The following PREX1 variants were observed in gnomAD, a reference collection of about 807,000 sequenced individuals.
PREX1 encodes phosphatidylinositol-3,4,5-trisphosphate dependent Rac exchange factor 1.
Under a neutral mutation model 198.3 loss-of-function variants are expected in PREX1, and 41 were observed. The ratio of observed to expected loss-of-function variants is 0.21; its 90% CI spans 0.16 to 0.27. PREX1 has a LOEUF of 0.27. Ranked by LOEUF, PREX1 falls within the 10% of genes least tolerant of loss-of-function variation. The probability of loss-of-function intolerance (pLI) is 1.00; values close to 1 mark genes in which losing one functional copy is unlikely to be tolerated. For missense variants in PREX1, 1,620 were observed against 2,200.7 expected (o/e 0.74, Z 5.28); for synonymous variants, 843 against 887.2 (o/e 0.95, Z 0.89).
rs182414262 is a variant in PREX1 at position 48,684,613 on chromosome 20, C to T, written c.1335-3278G>A. ...TCCTGACGGCCCCTGCCAGACACGC[C>T]GCGTCATACCTGGTAACCCTGAGCT... On this transcript the variant is annotated intron_variant, in intron 10 of 39. Transcript: ENST00000371941. This position sits in a 1 kb window ranked among gnomAD's most constrained non-coding sequence, Gnocchi z 4.2. 1.5e-3 allele frequency among the ~76,000 whole-genome samples: 230 copies of T among 152,332 alleles called. No individual in the cohort carries two copies. The highest frequency in any genetic ancestry group is 0.01 in the Middle Eastern group (3 of 294).
intron 14 of PREX1, among the ~76,000 whole-genome samples, chr20:48,668,506 C>A (rs983551035): frequency 6.6e-6 from 1 of 152,246 alleles, no homozygotes; most frequent in East Asian, 1.9e-4. Flanking sequence ...CCTAGTCTCA[C>A]TGAAACGCCT....
At chr20:48,766,873 C>T (rs1231961803) in intron 1 of PREX1, among the ~76,000 whole-genome samples, 2 of 152,128 alleles carry the variant, frequency 1.3e-5, no homozygotes, top group Non-Finnish European at 2.9e-5. Context: ...GCAGGTTCCT[C>T]ACCTGTAAAA....
intron 6 of PREX1, among the ~76,000 whole-genome samples, chr20:48,704,848 G>A (rs1358009757): frequency 1.3e-5 from 2 of 152,240 alleles, no homozygotes; most frequent in African/African-American, 4.8e-5. Flanking sequence ...GAGCCACCGC[G>A]CCAGGCTTGT....
Position 48,819,033 on chromosome 20 carries a change from G to C in PREX1, c.219+8609C>G, listed in dbSNP as rs117070357. Among the ~76,000 whole-genome samples, 22 of 152,308 alleles carry C rather than the reference G, an allele frequency of 1.4e-4. No individual in the cohort carries two copies. The East Asian group carries it at 3.9e-3, about 27-fold the overall frequency. The stretch of plus-strand genomic sequence containing the variant: ...CAGCCGTAGGTCACAGAGCAGCCTG[G>C]GAGCAGGCAGGGGATCTGCTGTGGG... On this transcript the variant is annotated intron_variant, in intron 1 of 39. Transcript: ENST00000371941.
rs1285303444 is a variant in PREX1, at chr20:48,651,570, C to T, written c.2481G>A (p.Leu827=). Residue 827 remains leucine, a synonymous_variant, in exon 22 of 40, where the codon CTG becomes CTA. Coordinates refer to ENST00000371941, the MANE Select transcript of PREX1 (RefSeq NM_020820.4). ...EDQADSAFPL[L]SLGPRLSLCE... ...ACAGGCTCAGCCGGGGACCCAGGGA[C>T]AGCAGTGGGAAGGCTGGAAGCCAAA... The T allele has an allele frequency of 6.2e-7, 1 of 1,613,454 alleles. No homozygotes were observed. Among genetic ancestry groups the T allele is most frequent in the Admixed American group, 1.7e-5 (1 of 59,930 alleles).
chr20:48,641,792 C>CA (rs1000237368), intron 29 of PREX1, among the ~76,000 whole-genome samples: 11 of 139,346 alleles, frequency 7.9e-5, no homozygotes, highest in Middle Eastern at 3.7e-3. Context: ...ACCCTTTCTC[C>CA]AAAAAACAAG....
the PREX1 span, among the ~76,000 whole-genome samples, chr20:48,870,017 GTAAAA>G: frequency 6.6e-6 from 1 of 152,076 alleles, no homozygotes; most frequent in Non-Finnish European, 1.5e-5. Flanking sequence ...AAATTAAAAA[GTAAAA>G]TAAAATAAAC....
At chr20:48,626,749 C>T (rs956752500) in intron 39 of PREX1, among the ~76,000 whole-genome samples, 4 of 152,240 alleles carry the variant, frequency 2.6e-5, no homozygotes, top group African/African-American at 7.2e-5. Context: ...AAGACGTTGC[C>T]GCTGGCGGGG....
At chr20:48,747,470 T>G (rs2090114054) in intron 2 of PREX1, among the ~76,000 whole-genome samples, 1 of 152,202 alleles carries the variant, frequency 6.6e-6, no homozygotes, top group Non-Finnish European at 1.5e-5. Context: ...CCGGGGGCAC[T>G]TGGGAGAGGA....
chr20:48,693,187 C>T (rs945937110), intron 7 of PREX1, among the ~76,000 whole-genome samples: 2 of 141,824 alleles, frequency 1.4e-5, no homozygotes, highest in Non-Finnish European at 3.0e-5. Context: ...ACTGGCAGTC[C>T]GTCCATCCAT....
At chr20:48,826,254 G>A (rs1416515520) in intron 1 of PREX1, among the ~76,000 whole-genome samples, 6 of 151,974 alleles carry the variant, frequency 3.9e-5, no homozygotes, top group Non-Finnish European at 8.8e-5. Flanking sequence ...GCAGAGAAGG[G>A]GAGTAAATGA....
intron 1 of PREX1, among the ~76,000 whole-genome samples, chr20:48,748,249 A>AT (rs199988790): frequency 2.5e-3 from 383 of 150,660 alleles, no homozygotes; most frequent in African/African-American, 8.7e-3. Flanking sequence ...TCCCCTTTCA[A>AT]TTTTTTTTTT....
chr20:48,650,031 C>T lies in PREX1; in HGVS notation c.2993G>A (p.Arg998His), dbSNP rs1601043993. ...VGRSFSIRFG[R>H]KPSLIGLDPE... ...GTCAAGGCCGATGAGGGAGGGTTTG[C>T]GTCCAAAGCGGATGCTGAAGGACCT... The change falls in exon 24 of 40, where the codon CGC becomes CAC. Residue 998 changes from arginine (R) to histidine (H), a missense_variant. By Grantham distance (29) the Arg-to-His change is conservative. Coordinates refer to ENST00000371941, the MANE Select transcript of PREX1 (RefSeq NM_020820.4). 1.2e-6 allele frequency: 2 copies of T among 1,614,174 alleles called. No individual in the cohort carries two copies. The highest frequency in any genetic ancestry group is 8.5e-7 in the Non-Finnish European group (1 of 1,180,036).
At chr20:48,700,661 A>G in intron 7 of PREX1, 92 bp downstream of exon 7, 1 of 1,518,960 alleles carries the variant, frequency 6.6e-7, no homozygotes, top group South Asian at 1.1e-5. Flanking sequence ...AACTCACAGG[A>G]AAGGGAGGCC....
chr20:48,649,261 T>C (rs1222543753), intron 25 of PREX1, 39 bp downstream of exon 25: 3 of 1,592,178 alleles, frequency 1.9e-6, no homozygotes, highest in African/African-American at 1.3e-5. Context: ...TGAGAACACC[T>C]GCCCCTGCTC....
At chr20:48,863,432 A>ATCCCTCCCCGCT in the PREX1 span, among the ~76,000 whole-genome samples, 1 of 150,226 alleles carries the variant, frequency 6.7e-6, no homozygotes, top group East Asian at 1.9e-4. Context: ...CCTGTGCTTC[A>ATCCCTCCCCGCT]CCTTTTCATC....
At position 48,639,204 on chromosome 20, in the gene PREX1, G is replaced by A. The variant is rs371524949; in HGVS notation, c.3904+562C>T. On this transcript the variant is annotated intron_variant, in intron 30 of 39. Coordinates refer to ENST00000371941, the MANE Select transcript of PREX1 (RefSeq NM_020820.4). Reference sequence around the variant, plus strand: ...CACCTCGGCCCCACGTACACAGAGCGGCCGCCACTCCTCTCCACCAAGGGA... The same window carrying A: ...CACCTCGGCCCCACGTACACAGAGCAGCCGCCACTCCTCTCCACCAAGGGA... 9.3e-4 allele frequency among the ~76,000 whole-genome samples: 142 copies of A among 152,328 alleles called. 2 individuals are homozygous for A. In the East Asian group the frequency reaches 0.017, roughly 18 times the overall value.
At chr20:48,851,587 C>T in the PREX1 span, among the ~76,000 whole-genome samples, 1 of 152,118 alleles carries the variant, frequency 6.6e-6, no homozygotes. Context: ...CTTTCTCAGC[C>T]TTACCTCCTT....
chr20:48,728,713 G>A lies in PREX1; in HGVS notation c.520-2322C>T, dbSNP rs537401502. ...TTTCTAGAAGCCCCCAGGGCTTGGC[G>A]TGAGAAGGGCCCATCTTTGTCCAGG... On this transcript the variant is annotated intron_variant, in intron 4 of 39. Transcript: ENST00000371941. Among the ~76,000 whole-genome samples the A allele has an allele frequency of 4.6e-5, 7 of 152,284 alleles. No individual in the cohort carries two copies. In the South Asian group the frequency reaches 6.2e-4, roughly 14 times the overall value.
Sources: gnomAD v4.1 joint callset for allele counts (sites outside exome capture counted in the v4.1 genomes callset) on GRCh38, gnomAD v4.1.1 for gene constraint, Gnocchi (gnomAD v3.1) non-coding constraint, MANE v1.5 for transcripts, NCBI Gene and HGNC (gene_info 2026-07-23, HGNC 2026-07-21) for gene names.